RFC3: variants seen among roughly 807,000 people sequenced by gnomAD.
RFC3 encodes the protein replication factor C subunit 3, also known as A1 38 kDa subunit.
In RFC3, 41 loss-of-function variants were observed where a neutral mutation model predicts 45.1. That is an observed-to-expected ratio of 0.91 (90% CI 0.71 to 1.18). The LOEUF is 1.18. Ranked by LOEUF, RFC3 falls within the 50% of genes most tolerant of loss-of-function variation. RFC3 has a pLI of 0.00. For synonymous variants in RFC3, 149 were observed against 144.0 expected, an observed-to-expected ratio of 1.03 and a Z score of -0.25; for missense variants, 423 against 428.1, an observed-to-expected ratio of 0.99 and a Z score of 0.10.
rs770120577 is a variant in RFC3, at chr13:33,821,154, A to T, written c.110A>T (p.His37Leu). 5 of 1,612,946 alleles carry T rather than the reference A, an allele frequency of 3.1e-6. No homozygotes were observed. Among genetic ancestry groups the T allele is most frequent in the Non-Finnish European group, 4.2e-6 (5 of 1,179,118 alleles). ...RNLVQCGDFP[H>L]LLVYGPSGAG... Reference sequence around the variant, plus strand: ...CAGGTGCAGTGTGGTGACTTTCCTCATCTGTTAGTGTACGGACCATCAGGT... The same window carrying T: ...CAGGTGCAGTGTGGTGACTTTCCTCTTCTGTTAGTGTACGGACCATCAGGT... Residue 37 changes from histidine to leucine, a missense_variant, in exon 2 of 9, where the codon CAT (histidine) becomes CTT (leucine). Physicochemically the swap from His to Leu is moderately conservative, Grantham distance 99 (BLOSUM62 -3). Coordinates refer to ENST00000380071, the MANE Select transcript of RFC3 (RefSeq NM_002915.4).
At chr13:33,835,977 A>G in intron 8 of RFC3, 127 bp from the exon 9 acceptor site, 1 of 1,035,854 alleles carries the variant, frequency 9.7e-7, no homozygotes, top group Non-Finnish European at 1.3e-6. Flanking sequence ...GATTCACATA[A>G]AAAATTAAAG....
At chr13:33,940,156 C>A (rs1003288230) in intron 8 of RFC3, among the ~76,000 whole-genome samples, 1 of 151,962 alleles carries the variant, frequency 6.6e-6, no homozygotes, top group African/African-American at 2.4e-5. Context: ...TATCTAAATT[C>A]CTAAATTGAA....
rs959471521 is a variant in RFC3 at position 33,855,988 on chromosome 13, C to T, written c.879+20771C>T. On this transcript the variant is annotated intron_variant, in intron 8 of 8. Coordinates refer to the RFC3 transcript ENST00000434425. ...TTTAGTTTAATTAGATCTCATTTGT[C>T]AGTTTTTGCCTTTGTTGCAATTGCT... Among the ~76,000 whole-genome samples the T allele has an allele frequency of 2.6e-5, 4 of 152,270 alleles. No individual in the cohort carries two copies. In the East Asian group the frequency reaches 7.7e-4, roughly 29 times the overall value.
At chr13:33,949,578 C>G (rs2082976028) in intron 8 of RFC3, among the ~76,000 whole-genome samples, 1 of 152,192 alleles carries the variant, frequency 6.6e-6, no homozygotes, top group Admixed American at 6.5e-5. Flanking sequence ...TGCTTTTCCT[C>G]ATGACATGAT....
At chr13:33,959,290 A>C (rs997147196) in intron 8 of RFC3, among the ~76,000 whole-genome samples, 6 of 152,164 alleles carry the variant, frequency 3.9e-5, no homozygotes, top group African/African-American at 1.4e-4. Context: ...ATACCTGCAG[A>C]ATACAGGCCA....
chr13:33,899,362 T>G (rs2082624179), intron 8 of RFC3, among the ~76,000 whole-genome samples: 1 of 151,846 alleles, frequency 6.6e-6, no homozygotes, highest in Non-Finnish European at 1.5e-5. Context: ...ATCCCAGGAA[T>G]GCAAGGATGG....
intron 8 of RFC3, among the ~76,000 whole-genome samples, chr13:33,879,016 T>C (rs1014656414): frequency 3.3e-5 from 5 of 152,158 alleles, no homozygotes; most frequent in African/African-American, 9.7e-5. Flanking sequence ...TCATAATCTT[T>C]TGGTACATAT....
downstream of RFC3, among the ~76,000 whole-genome samples, chr13:33,969,942 T>A (rs2083103339): frequency 6.6e-6 from 1 of 152,064 alleles, no homozygotes. Context: ...ACTTTTATTT[T>A]ATGTTCCGGG....
At chr13:33,970,385 G>A (rs2083105108), downstream of RFC3, among the ~76,000 whole-genome samples, 3 of 152,130 alleles carry the variant, frequency 2.0e-5, no homozygotes, top group South Asian at 2.1e-4. Context: ...GAATAATGCT[G>A]CAATGAACAT....
chr13:33,931,359 C>T (rs572302936), intron 8 of RFC3, among the ~76,000 whole-genome samples: 2 of 152,226 alleles, frequency 1.3e-5, no homozygotes, highest in East Asian at 1.9e-4. Context: ...AGCGGGTCCC[C>T]ACCCTGGAGT....
intron 8 of RFC3, among the ~76,000 whole-genome samples, chr13:33,948,658 G>A (rs889498068): frequency 1.3e-5 from 2 of 152,338 alleles, no homozygotes; most frequent in Non-Finnish European, 2.9e-5. Context: ...AGCCACAAGG[G>A]TGGAGCTGCC....
At chr13:33,918,384 G>C (rs1438362380) in intron 8 of RFC3, among the ~76,000 whole-genome samples, 1 of 152,082 alleles carries the variant, frequency 6.6e-6, no homozygotes, top group Non-Finnish European at 1.5e-5. Flanking sequence ...GCCCCTGGCT[G>C]GCTGTGGCAT....
chr13:33,953,324 T>TAAA (rs11342304), intron 8 of RFC3, among the ~76,000 whole-genome samples: 1,690 of 105,440 alleles, frequency 0.016, 39 homozygotes, highest in African/African-American at 0.058. Flanking sequence ...TGTTGCTCTT[T>TAAA]AAAAAAAAAA....
At chr13:33,868,526 A>G (rs959520477) in intron 8 of RFC3, among the ~76,000 whole-genome samples, 1 of 152,220 alleles carries the variant, frequency 6.6e-6, no homozygotes, top group Non-Finnish European at 1.5e-5. Flanking sequence ...GCAAGTCTTC[A>G]CTTGTAACTT....
intron 8 of RFC3, among the ~76,000 whole-genome samples, chr13:33,963,105 T>C (rs2083067251): frequency 6.6e-6 from 1 of 152,098 alleles, no homozygotes; most frequent in South Asian, 2.1e-4. Flanking sequence ...GGTTTTTCAA[T>C]TTATTCTCCA....
rs983693930 is a variant in RFC3 at position 33,922,874 on chromosome 13, T to C, written c.880-43213T>C. ...CTCTTCATTTGTAAAATAGAGGTAA[T>C]AGTAGGTGTCTCGTAGGGTTGCAGG... is the stretch of plus-strand genomic sequence containing the variant. On this transcript the variant is annotated intron_variant, in intron 8 of 8. Coordinates refer to the RFC3 transcript ENST00000434425. Among the ~76,000 whole-genome samples the C allele has an allele frequency of 8.5e-5, 13 of 152,080 alleles. 2 individuals are homozygous for C. Among genetic ancestry groups the C allele is most frequent in the Admixed American group, 8.5e-4 (13 of 15,262 alleles).
chr13:33,896,458 T>C (rs1333444492), intron 8 of RFC3, among the ~76,000 whole-genome samples: 1 of 151,504 alleles, frequency 6.6e-6, no homozygotes, highest in Non-Finnish European at 1.5e-5. Flanking sequence ...GTTTGGTGGC[T>C]CATGCCTGTA....
chr13:33,975,826 A>T, the RFC3 span, among the ~76,000 whole-genome samples: 1 of 152,210 alleles, frequency 6.6e-6, no homozygotes, highest in East Asian at 1.9e-4. Flanking sequence ...AAATTAATTT[A>T]ATGTATATGC....
intron 8 of RFC3, among the ~76,000 whole-genome samples, chr13:33,950,763 T>A (rs1316938421): frequency 6.6e-6 from 1 of 151,546 alleles, no homozygotes; most frequent in Non-Finnish European, 1.5e-5. Flanking sequence ...CTCTCTCTTC[T>A]CTTTCTCTCT....
Sources: gnomAD v4.1 joint callset for allele counts (sites outside exome capture counted in the v4.1 genomes callset) on GRCh38, gnomAD v4.1.1 for gene constraint, MANE v1.5 for transcripts, NCBI Gene and HGNC (gene_info 2026-07-23, HGNC 2026-07-21) for gene names.